The following IL17RD variants were observed in gnomAD, a reference collection of about 807,000 sequenced individuals.
IL17RD encodes the protein interleukin-17 receptor D.
A neutral mutation model predicts 80.5 loss-of-function variants in IL17RD; 52 were observed. That is an observed-to-expected ratio of 0.65 (90% confidence interval 0.52 to 0.81). The LOEUF (loss-of-function observed/expected upper bound fraction) is 0.81. Ranked by LOEUF, IL17RD falls within the 40% of genes least tolerant of loss-of-function variation. The pLI, the probability that IL17RD is intolerant of heterozygous loss-of-function variation, is 0.00. For missense variants in IL17RD, 1,024 were observed against 955.1 expected (o/e 1.07, Z -0.95); for synonymous variants, 416 against 391.8 (o/e 1.06, Z -0.73).
intron 3 of IL17RD, 93 bp from the exon 4 acceptor site, chr3:57,110,404 C>A: frequency 7.3e-7 from 1 of 1,367,518 alleles, no homozygotes; most frequent in Non-Finnish European, 1.0e-6. Context: ...TCTACCTACA[C>A]ACCAGAGTTA....
intron 1 of IL17RD, among the ~76,000 whole-genome samples, chr3:57,159,184 C>T (rs1357298767): frequency 1.3e-5 from 2 of 149,812 alleles, no homozygotes; most frequent in Non-Finnish European, 3.0e-5. Context: ...AGTGTGAATT[C>T]TGTTCAACAG....
At chr3:57,109,512 A>C (rs760592093) in intron 5 of IL17RD, 25 bp downstream of exon 5, 1 of 1,601,838 alleles carries the variant, frequency 6.2e-7, no homozygotes, top group Admixed American at 1.8e-5. Context: ...TCTCATGGGA[A>C]CCAGGCAGGA....
At chr3:57,159,741 C>A (rs2060291193) in intron 1 of IL17RD, among the ~76,000 whole-genome samples, 1 of 152,198 alleles carries the variant, frequency 6.6e-6, no homozygotes, top group African/African-American at 2.4e-5. Context: ...GAGAGGTCTG[C>A]TCTAAGGCCA....
At chr3:57,100,471 G>T (rs576206271) in intron 11 of IL17RD, among the ~76,000 whole-genome samples, 1 of 152,312 alleles carries the variant, frequency 6.6e-6, no homozygotes, top group East Asian at 1.9e-4. Context: ...TTATAGAAAA[G>T]CATATTAATA....
chr3:57,151,115 C>T (rs893533690), intron 1 of IL17RD, among the ~76,000 whole-genome samples: 10 of 152,298 alleles, frequency 6.6e-5, no homozygotes, highest in African/African-American at 1.4e-4. Flanking sequence ...CTATTCACTG[C>T]GGCTTTCCTG....
In IL17RD at chr3:57,095,462, T is replaced by C. The variant is rs1482003977; in HGVS notation, c.*931A>G. 2.6e-5 allele frequency: 4 copies of C among 152,238 alleles called. No individual in the cohort carries two copies. Among genetic ancestry groups the C allele is most frequent in the Non-Finnish European group, 5.9e-5 (4 of 68,048 alleles). The allele number at this position is 152,238 out of a possible 1,614,324, so 9.4% of individuals were successfully genotyped here. A position where few individuals can be genotyped will look rare whatever the true frequency, so the allele number is the denominator to read the frequency against. Reference sequence around the variant, plus strand: ...CCACACACTGCTGTATTTCAGTGAATTGTGATCCCTAATATTCAGGACACA... The same window carrying C: ...CCACACACTGCTGTATTTCAGTGAACTGTGATCCCTAATATTCAGGACACA... On this transcript the variant is annotated 3_prime_UTR_variant, in exon 13 of 13. Coordinates refer to ENST00000296318, the MANE Select transcript of IL17RD (RefSeq NM_017563.5).
chr3:57,098,577 T>C (rs756655782), intron 11 of IL17RD, 39 bp from the exon 12 acceptor site: 3 of 1,399,676 alleles, frequency 2.1e-6, no homozygotes, highest in Admixed American at 2.1e-5. Context: ...TACAGAAGGC[T>C]CGGGAAGAGG....
rs1260760259 is a variant in IL17RD at position 57,091,067 on chromosome 3, C to A, written c.*5326G>T. 6.6e-6 allele frequency: 1 copy of A among 152,614 alleles called. No individual in the cohort carries two copies. Among genetic ancestry groups the A allele is most frequent in the African/African-American group, 2.4e-5 (1 of 41,424 alleles). The allele number at this position is 152,614 out of a possible 1,614,324, so 9.5% of individuals were successfully genotyped here. Reference sequence around the variant, plus strand: ...AGATTCAAATGTCTTTGCAAATTAGCCCTCAAACAGCAATGGGAAGGTGGT... The same window carrying A: ...AGATTCAAATGTCTTTGCAAATTAGACCTCAAACAGCAATGGGAAGGTGGT... On this transcript the variant is annotated 3_prime_UTR_variant, in exon 13 of 13. Coordinates refer to ENST00000296318, the MANE Select transcript of IL17RD (RefSeq NM_017563.5).
At chr3:57,138,114 A>G (rs1284406347) in intron 1 of IL17RD, among the ~76,000 whole-genome samples, 1 of 152,166 alleles carries the variant, frequency 6.6e-6, no homozygotes, top group African/African-American at 2.4e-5. Flanking sequence ...GAGAATGGGG[A>G]GTTATTGTTT....
intron 1 of IL17RD, chr3:57,134,406 G>A (rs1435674764): frequency 6.9e-6 from 5 of 719,582 alleles, no homozygotes; most frequent in African/African-American, 6.9e-5. Context: ...CCAAATGCCA[G>A]GGAACGTAAC....
chr3:57,134,265 C>T (rs1707673781), intron 1 of IL17RD: 2 of 684,088 alleles, frequency 2.9e-6, no homozygotes, highest in Admixed American at 1.8e-5. Context: ...GATCCAGAAG[C>T]TGATCAAAGA....
In IL17RD at chr3:57,154,127, TG is replaced by T. The variant is rs767123412; in HGVS notation, c.126+11033del. On this transcript the variant is annotated intron_variant, in intron 1 of 12. Transcript: ENST00000296318. Reference sequence around the variant, plus strand: ...AGCCAAGCTTGGCGGCACACGCCTGTGGTCCCAGCTACTCAGGAGACTGGGC... The same window carrying T: ...AGCCAAGCTTGGCGGCACACGCCTGTGTCCCAGCTACTCAGGAGACTGGGC... Among the ~76,000 whole-genome samples the T allele has an allele frequency of 3.0e-3, 454 of 151,894 alleles. 1 individual carries two copies. The highest frequency in any genetic ancestry group is 4.1e-3 in the Non-Finnish European group (276 of 67,970).
chr3:57,106,214 C>T, intron 5 of IL17RD, 60 bp from the exon 6 acceptor site: 1 of 1,216,118 alleles, frequency 8.2e-7, no homozygotes, highest in Non-Finnish European at 1.2e-6. Flanking sequence ...TTTTCCTCTC[C>T]CAACAACCCA....
chr3:57,097,403 T>C, intron 12 of IL17RD, 193 bp downstream of exon 12: 1 of 607,078 alleles, frequency 1.6e-6, no homozygotes, highest in Non-Finnish European at 3.0e-6. Context: ...AATTTAGCAT[T>C]AGTATTTCTG....
Position 57,102,576 on chromosome 3 carries a change from C to T in IL17RD, c.882G>A (p.Trp294Ter). The T allele has an allele frequency of 6.4e-7, 1 of 1,551,196 alleles. No individual in the cohort carries two copies. The highest frequency in any genetic ancestry group is 1.2e-5 in the South Asian group (1 of 85,520). ...TGGCCACGGCTCTGATGGGCCCGGC[C>T]CACGGGGAGTGCACTGGGAAATTTC... ...HYALKPVHSPWAGPIRAVAIT... is the reference protein window; with the variant it reads ...HYALKPVHSP Residue 294 changes from tryptophan to a stop codon, truncating the protein, a stop_gained, in exon 10 of 13, where the codon TGG (tryptophan) becomes TGA (stop). Transcript: ENST00000296318. LOFTEE classifies it high-confidence loss of function.
intron 3 of IL17RD, among the ~76,000 whole-genome samples, chr3:57,113,143 T>C (rs538261210): frequency 6.6e-6 from 1 of 152,376 alleles, no homozygotes; most frequent in East Asian, 1.9e-4. Flanking sequence ...GTATCTTCAA[T>C]TCATTCAAGA....
At chr3:57,149,709 A>C (rs4681962) in intron 1 of IL17RD, among the ~76,000 whole-genome samples, 7 of 152,186 alleles carry the variant, frequency 4.6e-5, no homozygotes, top group Non-Finnish European at 8.8e-5. Context: ...TGGGAAGAAC[A>C]TTTTTTGTCA....
Position 57,137,048 on chromosome 3 carries a change from C to T in IL17RD, c.127-16735G>A, listed in dbSNP as rs4383481. Among the ~76,000 whole-genome samples, 610 of 152,178 alleles carry T rather than the reference C, an allele frequency of 4.0e-3. 3 individuals are homozygous for T. Among genetic ancestry groups the T allele is most frequent in the African/African-American group, 0.014 (576 of 41,500 alleles). On this transcript the variant is annotated intron_variant, in intron 1 of 12. Transcript: ENST00000296318. ...GGAGGCATGTCAAGCTTTGGGGTTGCGGAGGGGAAGGAAGTTTATTTCAAG... is the reference window on the plus strand; with the variant it reads ...GGAGGCATGTCAAGCTTTGGGGTTGTGGAGGGGAAGGAAGTTTATTTCAAG...
intron 1 of IL17RD, among the ~76,000 whole-genome samples, chr3:57,127,725 T>C (rs1463871995): frequency 2.0e-5 from 3 of 152,094 alleles, no homozygotes; most frequent in Non-Finnish European, 4.4e-5. Flanking sequence ...TGTTTTTCTA[T>C]AAAATTTTCT....
Sources: allele counts gnomAD v4.1 joint callset (sites outside exome capture counted in the v4.1 genomes callset), GRCh38; gene constraint gnomAD v4.1.1; transcripts MANE v1.5; gene names NCBI Gene and HGNC (gene_info 2026-07-23, HGNC 2026-07-21).